Variants in COL19A1 observed in about 807,000 individuals in gnomAD.
The protein encoded by COL19A1 is collagen alpha-1(XIX) chain.
COL19A1 carries 159 observed loss-of-function variants against 190.2 expected under a neutral mutation model. The ratio of observed to expected loss-of-function variants is 0.84; its 90% CI spans 0.73 to 0.95. COL19A1 has a LOEUF of 0.95. COL19A1 is among the 40% of genes least tolerant of loss of function. COL19A1 has a pLI of 0.00. For synonymous variants in COL19A1, 509 were observed against 458.9 expected, an observed-to-expected ratio of 1.11 and a Z score of -1.39; for missense variants, 1,418 against 1,431.9, an observed-to-expected ratio of 0.99 and a Z score of 0.16.
At chr6:69,982,271 T>C in intron 11 of COL19A1, among the ~76,000 whole-genome samples, 1 of 151,682 alleles carries the variant, frequency 6.6e-6, no homozygotes, top group East Asian at 2.0e-4. Context: ...AGCTCACTGC[T>C]ACCTCTGTCT....
intron 14 of COL19A1, among the ~76,000 whole-genome samples, chr6:70,067,996 C>A (rs897723681): frequency 6.6e-6 from 1 of 151,996 alleles, no homozygotes; most frequent in East Asian, 1.9e-4. Context: ...GAAGCCAACA[C>A]CATAATCATG....
At chr6:69,876,008 C>A (rs1179950925) in intron 1 of COL19A1, among the ~76,000 whole-genome samples, 1 of 152,000 alleles carries the variant, frequency 6.6e-6, no homozygotes, top group African/African-American at 2.4e-5. Flanking sequence ...AAAAGGAAAT[C>A]TGAGAGAGTG....
intron 11 of COL19A1, among the ~76,000 whole-genome samples, chr6:70,007,410 C>T (rs1777700392): frequency 6.6e-6 from 1 of 151,794 alleles, no homozygotes; most frequent in African/African-American, 2.4e-5. Context: ...TAAAGAGTAA[C>T]CACAAGAAAT....
intron 9 of COL19A1, among the ~76,000 whole-genome samples, chr6:69,951,239 G>T (rs554149980): frequency 1.3e-5 from 2 of 151,704 alleles, no homozygotes; most frequent in South Asian, 4.2e-4. Context: ...CATGACACTT[G>T]GTCTCTCTAA....
At chr6:69,907,459 C>T (rs1770639854) in intron 4 of COL19A1, among the ~76,000 whole-genome samples, 1 of 152,140 alleles carries the variant, frequency 6.6e-6, no homozygotes, top group Non-Finnish European at 1.5e-5. Context: ...AACACTACAA[C>T]ATACAAGAAA....
At chr6:70,056,128 G>A (rs1449358079) in intron 14 of COL19A1, among the ~76,000 whole-genome samples, 2 of 151,634 alleles carry the variant, frequency 1.3e-5, no homozygotes, top group Non-Finnish European at 2.9e-5. Context: ...CTCCATTCTT[G>A]GTTTTACTCC....
chr6:69,959,944 A>G (rs1774667667), intron 9 of COL19A1, 52 bp from the exon 10 acceptor site: 1 of 1,551,898 alleles, frequency 6.4e-7, no homozygotes. Flanking sequence ...AAAAACGTCT[A>G]TGTTCATATA....
At chr6:70,195,135 T>TTATA (rs1583143242) in intron 48 of COL19A1, among the ~76,000 whole-genome samples, 5 of 114,000 alleles carry the variant, frequency 4.4e-5, no homozygotes, top group East Asian at 2.3e-4. Flanking sequence ...ACATCATTGA[T>TTATA]GATATATATA....
rs866906467 is a variant in COL19A1, at chr6:70,121,899, G to A, written c.1298G>A (p.Gly433Glu). The part of the protein sequence containing the change: ...PGPPGPPGIQ[G>E]IHQTLGGYYN... ...ATACAGGGACCTCCTGGAATACAAG[G>A]AATACACCAAACTCTTGGTGGATAT... The change falls in exon 17 of 51, where the codon GGA becomes GAA. Residue 433 changes from glycine to glutamate, a missense_variant. Physicochemically the swap from Gly to Glu is moderately conservative, Grantham distance 98 (BLOSUM62 -2). Transcript: ENST00000620364. 1 of 1,589,134 alleles carries A rather than the reference G, an allele frequency of 6.3e-7. No homozygotes were observed. The highest frequency in any genetic ancestry group is 8.6e-7 in the Non-Finnish European group (1 of 1,169,264).
chr6:70,016,909 T>A (rs1778142518), intron 11 of COL19A1, among the ~76,000 whole-genome samples: 1 of 152,088 alleles, frequency 6.6e-6, no homozygotes, highest in Non-Finnish European at 1.5e-5. Flanking sequence ...ACACTGCTGA[T>A]GGGAATGTAA....
intron 14 of COL19A1, among the ~76,000 whole-genome samples, chr6:70,047,557 T>C (rs1779978512): frequency 6.6e-6 from 1 of 152,128 alleles, no homozygotes; most frequent in African/African-American, 2.4e-5. Context: ...GTTGAAATAT[T>C]AGTTGTAAAT....
At chr6:70,111,441 C>T (rs935647361) in intron 16 of COL19A1, among the ~76,000 whole-genome samples, 1 of 152,096 alleles carries the variant, frequency 6.6e-6, no homozygotes, top group East Asian at 1.9e-4. Flanking sequence ...AGTAGAAAGA[C>T]CCAAAGCAAA....
chr6:70,097,794 C>T (rs1255947058), intron 15 of COL19A1, among the ~76,000 whole-genome samples: 2 of 152,118 alleles, frequency 1.3e-5, no homozygotes, highest in African/African-American at 2.4e-5. Context: ...TATAATAATG[C>T]TGGAACACTA....
intron 16 of COL19A1, among the ~76,000 whole-genome samples, chr6:70,119,907 A>G (rs867368868): frequency 2.0e-5 from 3 of 152,186 alleles, no homozygotes; most frequent in Non-Finnish European, 4.4e-5. Context: ...CCTGGCCAAC[A>G]TGGCGAAACC....
intron 1 of COL19A1, among the ~76,000 whole-genome samples, chr6:69,870,287 T>C (rs958396219): frequency 6.6e-6 from 1 of 152,168 alleles, no homozygotes; most frequent in Non-Finnish European, 1.5e-5. Flanking sequence ...AGATGTTCAA[T>C]ATAGGGAAGA....
intron 49 of COL19A1, among the ~76,000 whole-genome samples, chr6:70,202,727 T>C (rs1486480511): frequency 6.6e-6 from 1 of 152,200 alleles, no homozygotes; most frequent in Non-Finnish European, 1.5e-5. Flanking sequence ...ACCAAGATTC[T>C]GATCATGAAA....
rs116390006 is a variant in COL19A1, at chr6:70,053,713, T to A, written c.1171-14710T>A. Among the ~76,000 whole-genome samples, 403 of 152,348 alleles carry A rather than the reference T, an allele frequency of 2.6e-3. 8 individuals carry two copies. Among genetic ancestry groups the A allele is most frequent in the African/African-American group, 9.3e-3 (385 of 41,578 alleles). On this transcript the variant is annotated intron_variant, in intron 14 of 50. Transcript: ENST00000620364. ...CCCTCAGATGTATTTAGATATCATA[T>A]TTCTAACATTTTTAACGTTCAGTCT... is the stretch of plus-strand genomic sequence containing the variant.
intron 15 of COL19A1, among the ~76,000 whole-genome samples, chr6:70,094,574 T>C (rs1783126420): frequency 6.6e-6 from 1 of 152,152 alleles, no homozygotes. Context: ...ATCATCCTCA[T>C]CAACAATAAA....
At chr6:69,945,710 T>A (rs1251777785) in intron 9 of COL19A1, among the ~76,000 whole-genome samples, 2 of 152,020 alleles carry the variant, frequency 1.3e-5, no homozygotes, top group Non-Finnish European at 2.9e-5. Flanking sequence ...TATAATCTCA[T>A]GTAATCTACA....
Sources: allele counts gnomAD v4.1 joint callset (sites outside exome capture counted in the v4.1 genomes callset), GRCh38; gene constraint gnomAD v4.1.1; transcripts MANE v1.5; gene names NCBI Gene and HGNC (gene_info 2026-07-23, HGNC 2026-07-21).